Variants in CTNND2 observed in about 807,000 individuals in gnomAD.
CTNND2 encodes the protein catenin delta 2, also known as catenin delta-2.
A neutral mutation model predicts 144.4 loss-of-function variants in CTNND2; 22 were observed. That is an observed-to-expected ratio of 0.15 (90% CI 0.11 to 0.22). The LOEUF is 0.22. Among genes scored for constraint, CTNND2 ranks in the 10% least tolerant of loss-of-function variants. CTNND2 has a pLI of 1.00. For missense variants in CTNND2, 1,353 were observed against 1,618.8 expected (o/e 0.84, Z 2.82); for synonymous variants, 751 against 695.6 (o/e 1.08, Z -1.25).
chr5:11,121,819 A>G (rs1754173208), intron 12 of CTNND2, among the ~76,000 whole-genome samples: 1 of 152,198 alleles, frequency 6.6e-6, no homozygotes, highest in South Asian at 2.1e-4. Flanking sequence ...CTGAAGATCA[A>G]ACCACAGGGA....
At chr5:11,233,454 T>A (rs999853261) in intron 10 of CTNND2, among the ~76,000 whole-genome samples, 1 of 152,142 alleles carries the variant, frequency 6.6e-6, no homozygotes, top group Non-Finnish European at 1.5e-5. Context: ...TCAATATGAA[T>A]GATGAAATGT....
rs1482565036 is a variant in CTNND2 at position 11,100,434 on chromosome 5, TA to T, written c.2464-1687del. 3.9e-5 allele frequency among the ~76,000 whole-genome samples: 6 copies of T among 152,150 alleles called. No individual in the cohort carries two copies. In the East Asian group the frequency reaches 7.7e-4, roughly 20 times the overall value. On this transcript the variant is annotated intron_variant, in intron 14 of 21. Transcript: ENST00000304623. ...TAAAACCAATACATCTCCTTTAAATTAAAAAAAGAAGGAAGTGAACTAGCCC... is the reference window on the plus strand; with the variant it reads ...TAAAACCAATACATCTCCTTTAAATTAAAAAAGAAGGAAGTGAACTAGCCC...
chr5:11,266,202 G>C (rs573093548), intron 9 of CTNND2, among the ~76,000 whole-genome samples: 1 of 152,240 alleles, frequency 6.6e-6, no homozygotes, highest in East Asian at 1.9e-4. Context: ...AGACTCAAAA[G>C]GTATTGCTAC....
At chr5:11,046,452 C>T (rs1745268986) in intron 16 of CTNND2, among the ~76,000 whole-genome samples, 1 of 152,208 alleles carries the variant, frequency 6.6e-6, no homozygotes, top group Non-Finnish European at 1.5e-5. Flanking sequence ...AAACTTCCTG[C>T]CTCCAGCACA....
At chr5:11,287,968 T>C (rs911501827) in intron 9 of CTNND2, among the ~76,000 whole-genome samples, 2 of 152,234 alleles carry the variant, frequency 1.3e-5, no homozygotes, top group African/African-American at 2.4e-5. Context: ...CAGCAAATAA[T>C]TTATTTTCTT....
intron 10 of CTNND2, among the ~76,000 whole-genome samples, chr5:11,209,862 C>G (rs909481879): frequency 5.9e-5 from 9 of 152,106 alleles, no homozygotes; most frequent in African/African-American, 2.2e-4. Flanking sequence ...GTGGAGCTTG[C>G]AGTGAGCCGA....
intron 21 of CTNND2, among the ~76,000 whole-genome samples, chr5:10,977,842 C>G (rs1736688495): frequency 1.3e-5 from 2 of 152,226 alleles, no homozygotes; most frequent in Non-Finnish European, 2.9e-5. Context: ...CTGATTGTTT[C>G]TTCTAGGAGG....
chr5:11,122,047 G>T (rs1026802642), intron 12 of CTNND2, among the ~76,000 whole-genome samples: 1 of 152,122 alleles, frequency 6.6e-6, no homozygotes, highest in Non-Finnish European at 1.5e-5. Context: ...GTGACACATA[G>T]TTGGCTCTTA....
chr5:11,313,992 C>G (rs1751250164), intron 9 of CTNND2, among the ~76,000 whole-genome samples: 2 of 152,060 alleles, frequency 1.3e-5, no homozygotes, highest in East Asian at 1.9e-4. Flanking sequence ...AAATCCACCC[C>G]CAAGATCCAA....
chr5:11,192,536 C>G (rs763193877), intron 11 of CTNND2, among the ~76,000 whole-genome samples: 1 of 151,804 alleles, frequency 6.6e-6, no homozygotes, highest in African/African-American at 2.4e-5. Flanking sequence ...TCTAATCACA[C>G]GGGGCTTTAA....
chr5:11,446,044 T>A (rs185177201), intron 3 of CTNND2, among the ~76,000 whole-genome samples: 2 of 152,336 alleles, frequency 1.3e-5, no homozygotes, highest in African/African-American at 4.8e-5. Context: ...CGATCTTGGC[T>A]CACTGCAGCC....
intron 12 of CTNND2, among the ~76,000 whole-genome samples, chr5:11,141,714 A>G (rs1237694579): frequency 6.6e-6 from 1 of 152,198 alleles, no homozygotes; most frequent in African/African-American, 2.4e-5. Context: ...TTGGCAGCAG[A>G]CAGCCCTTGA....
intron 9 of CTNND2, among the ~76,000 whole-genome samples, chr5:11,302,376 G>A (rs568631267): frequency 6.6e-6 from 1 of 152,220 alleles, no homozygotes; most frequent in East Asian, 1.9e-4. Flanking sequence ...TCTTACCGGG[G>A]AGTCCTCTTA....
At chr5:11,264,023 T>C (rs950845577) in intron 9 of CTNND2, among the ~76,000 whole-genome samples, 5 of 152,330 alleles carry the variant, frequency 3.3e-5, no homozygotes, top group South Asian at 2.1e-4. Flanking sequence ...TCAACTAACA[T>C]AGATGTTCTT....
intron 3 of CTNND2, among the ~76,000 whole-genome samples, chr5:11,419,008 A>G (rs774243441): frequency 1.3e-5 from 2 of 148,278 alleles, no homozygotes; most frequent in Admixed American, 6.8e-5. Flanking sequence ...ATATATATAT[A>G]TCTATATAGA....
At chr5:11,488,508 C>T (rs1581317127) in intron 3 of CTNND2, among the ~76,000 whole-genome samples, 3 of 152,118 alleles carry the variant, frequency 2.0e-5, no homozygotes. Context: ...TCATCTTTTT[C>T]ATGTAAAAGT....
At chr5:11,113,969 T>C (rs1753288243) in intron 13 of CTNND2, among the ~76,000 whole-genome samples, 1 of 152,222 alleles carries the variant, frequency 6.6e-6, no homozygotes, top group Admixed American at 6.5e-5. Context: ...ACCTTTCTTG[T>C]CAGCTTTTCA....
intron 9 of CTNND2, among the ~76,000 whole-genome samples, chr5:11,244,064 T>C (rs772041833): frequency 6.6e-6 from 1 of 152,184 alleles, no homozygotes; most frequent in Non-Finnish European, 1.5e-5. Flanking sequence ...AGGAAGTAGG[T>C]GATTTTGTTT....
intron 7 of CTNND2, among the ~76,000 whole-genome samples, chr5:11,376,338 G>T (rs200903620): frequency 9.4e-5 from 1 of 10,634 alleles, no homozygotes; most frequent in African/African-American, 1.3e-4. Flanking sequence ...GTGTGTGTGT[G>T]TGTGTGTGTA....
Sources: allele counts gnomAD v4.1 joint callset (sites outside exome capture counted in the v4.1 genomes callset), GRCh38; gene constraint gnomAD v4.1.1; transcripts MANE v1.5; gene names NCBI Gene and HGNC (gene_info 2026-07-23, HGNC 2026-07-21).